The following LARS2 variants were observed in gnomAD, a reference collection of about 807,000 sequenced individuals.
The protein encoded by LARS2 is leucyl-tRNA synthetase 2, mitochondrial, also known as leucine--tRNA ligase, mitochondrial.
LARS2 carries 81 observed loss-of-function variants against 116.6 expected under a neutral mutation model. The observed-to-expected ratio is 0.69, with a 90% CI of 0.58 to 0.84. The LOEUF (loss-of-function observed/expected upper bound fraction) is 0.84, where lower values mean the gene tolerates loss of function less well. Ranked by LOEUF, LARS2 falls within the 40% of genes least tolerant of loss-of-function variation. The pLI, the probability that LARS2 is intolerant of heterozygous loss-of-function variation, is 0.00. For synonymous variants in LARS2, 396 were observed against 407.2 expected (o/e 0.97, Z 0.33); for missense variants, 968 against 1,114.5 (o/e 0.87, Z 1.87).
At chr3:45,477,550 A>G (rs1699636719) in intron 10 of LARS2, among the ~76,000 whole-genome samples, 1 of 152,230 alleles carries the variant, frequency 6.6e-6, no homozygotes, top group Admixed American at 6.5e-5. Flanking sequence ...GATTGTCCCC[A>G]GGGAGGGAGG....
At position 45,491,914 on chromosome 3, in the gene LARS2, C is replaced by G. The variant is rs911188749; in HGVS notation, c.1523+114C>G. 4 of 1,025,848 alleles carry G rather than the reference C, an allele frequency of 3.9e-6. No homozygotes were observed. In the African/African-American group the frequency reaches 6.3e-5, roughly 16 times the overall value. The allele number at this position is 1,025,848 out of a possible 1,614,324, so 63.5% of individuals were successfully genotyped here. A position where few individuals can be genotyped will look rare whatever the true frequency, so the allele number is the denominator to read the frequency against. ...CTCTGCTCCCTTTTTCCCTGACTTC[C>G]ATGAGGCTGGAAAGAACACTGTGGG... is the stretch of plus-strand genomic sequence containing the variant. On this transcript the variant is annotated intron_variant, in intron 13 of 21. Coordinates refer to ENST00000645846, the MANE Select transcript of LARS2 (RefSeq NM_015340.4).
intron 6 of LARS2, among the ~76,000 whole-genome samples, chr3:45,424,261 C>T (rs1559464233): frequency 6.6e-6 from 1 of 152,280 alleles, no homozygotes; most frequent in Admixed American, 6.5e-5. Flanking sequence ...ACATTTAATA[C>T]ACATAACCTA....
intron 20 of LARS2, among the ~76,000 whole-genome samples, chr3:45,535,805 G>A (rs1240443675): frequency 6.6e-6 from 1 of 151,840 alleles, no homozygotes; most frequent in Non-Finnish European, 1.5e-5. Context: ...TTATTAAACT[G>A]ATGGAATCCA....
At chr3:45,431,121 T>C (rs903378899) in intron 6 of LARS2, among the ~76,000 whole-genome samples, 3 of 152,106 alleles carry the variant, frequency 2.0e-5, no homozygotes, top group Non-Finnish European at 4.4e-5. Flanking sequence ...GACACAGCAA[T>C]ATGACAGACA....
intron 10 of LARS2, among the ~76,000 whole-genome samples, chr3:45,482,515 T>G (rs1415061599): frequency 6.6e-6 from 1 of 152,214 alleles, no homozygotes; most frequent in Non-Finnish European, 1.5e-5. Context: ...TTCACAAACA[T>G]TAGTGTCACC....
chr3:45,532,451 C>T (rs975074231), intron 20 of LARS2, among the ~76,000 whole-genome samples: 1 of 152,008 alleles, frequency 6.6e-6, no homozygotes, highest in Admixed American at 6.5e-5. Context: ...TCATATTGAC[C>T]ATGTCATGGT....
At chr3:45,513,035 G>C (rs1291562682) in intron 15 of LARS2, 100 bp from the exon 16 acceptor site, 5 of 794,410 alleles carry the variant, frequency 6.3e-6, no homozygotes, top group Non-Finnish European at 1.1e-5. Context: ...TTTATGAGGG[G>C]CAGCTACTTC....
chr3:45,502,416 T>G (rs1485165942), intron 15 of LARS2, among the ~76,000 whole-genome samples: 1 of 152,136 alleles, frequency 6.6e-6, no homozygotes, highest in Non-Finnish European at 1.5e-5. Flanking sequence ...CCTTTATGGC[T>G]ACTGCTTTCG....
At chr3:45,508,989 T>G (rs1411500459) in intron 15 of LARS2, among the ~76,000 whole-genome samples, 1 of 152,040 alleles carries the variant, frequency 6.6e-6, no homozygotes, top group Admixed American at 6.6e-5. Flanking sequence ...TAGTGCAGTC[T>G]AAACTAATGA....
chr3:45,478,288 G>A (rs1699647532), intron 10 of LARS2, among the ~76,000 whole-genome samples: 1 of 152,138 alleles, frequency 6.6e-6, no homozygotes, highest in Non-Finnish European at 1.5e-5. Flanking sequence ...TATTCCTTGA[G>A]GGCTATGGTG....
chr3:45,518,213 TTTGA>T (rs1410691042), intron 18 of LARS2, 141 bp downstream of exon 18: 3 of 624,430 alleles, frequency 4.8e-6, no homozygotes, highest in Non-Finnish European at 8.4e-6. Context: ...TCCTTCTTGC[TTTGA>T]TTGATTGGCC....
intron 20 of LARS2, among the ~76,000 whole-genome samples, chr3:45,533,561 G>A (rs267248): frequency 6.6e-6 from 1 of 152,072 alleles, no homozygotes; most frequent in African/African-American, 2.4e-5. Context: ...TATATATTTC[G>A]CCCGTTCATC....
chr3:45,425,251 G>C (rs1034378782), intron 6 of LARS2, among the ~76,000 whole-genome samples: 1 of 151,964 alleles, frequency 6.6e-6, no homozygotes, highest in Non-Finnish European at 1.5e-5. Context: ...TGTCTGTTTT[G>C]GAATCTTTTC....
intron 6 of LARS2, among the ~76,000 whole-genome samples, chr3:45,440,832 T>C (rs1698893284): frequency 6.6e-6 from 1 of 152,136 alleles, no homozygotes; most frequent in African/African-American, 2.4e-5. Context: ...TCATGTGTTT[T>C]GGTCTTTCCC....
At chr3:45,544,252 A>T (rs561850048) in intron 21 of LARS2, among the ~76,000 whole-genome samples, 43 of 152,334 alleles carry the variant, frequency 2.8e-4, no homozygotes, top group African/African-American at 1.0e-3. Flanking sequence ...GTCACCTTGG[A>T]ACAAAGGTCT....
chr3:45,492,973 A>G (rs982744756), intron 13 of LARS2, among the ~76,000 whole-genome samples: 7 of 152,142 alleles, frequency 4.6e-5, no homozygotes, highest in South Asian at 2.1e-4. Flanking sequence ...CTTCCCTACC[A>G]GAGATGTTGG....
At chr3:45,485,911 C>A in intron 11 of LARS2, 115 bp downstream of exon 11, 1 of 584,948 alleles carries the variant, frequency 1.7e-6, no homozygotes, top group Non-Finnish European at 3.0e-6. Context: ...GTCTGATTTG[C>A]CTCCTCATAA....
intron 18 of LARS2, among the ~76,000 whole-genome samples, chr3:45,518,324 A>G (rs1700403582): frequency 6.6e-6 from 1 of 152,114 alleles, no homozygotes; most frequent in Non-Finnish European, 1.5e-5. Flanking sequence ...GATGTCTCAC[A>G]TTTGTCCATC....
rs1014317025 is a variant in LARS2, at chr3:45,488,630, A to G, written c.1124-67A>G. ...TAAGAAGCTAAACCTGGGTGTCAGTACTGTCAGTTGTTTTGTGATTTGGGC... is the reference window on the plus strand; with the variant it reads ...TAAGAAGCTAAACCTGGGTGTCAGTGCTGTCAGTTGTTTTGTGATTTGGGC... On this transcript the variant is annotated intron_variant, in intron 11 of 21. Transcript: ENST00000645846. 5 of 909,662 alleles carry G rather than the reference A, an allele frequency of 5.5e-6. No individual in the cohort carries two copies. In the Admixed American group the frequency reaches 7.1e-5, roughly 13 times the overall value. The allele number at this position is 909,662 out of a possible 1,614,324, so 56.3% of individuals were successfully genotyped here.
Sources: gnomAD v4.1 joint callset for allele counts (sites outside exome capture counted in the v4.1 genomes callset) on GRCh38, gnomAD v4.1.1 for gene constraint, MANE v1.5 for transcripts, NCBI Gene and HGNC (gene_info 2026-07-23, HGNC 2026-07-21) for gene names.